The following SYTL3 variants were observed in gnomAD, a reference collection of about 807,000 sequenced individuals.
SYTL3 encodes the protein synaptotagmin like 3.
A neutral mutation model predicts 82.1 loss-of-function variants in SYTL3; 88 were observed. That is an observed-to-expected ratio of 1.07 (90% CI 0.90 to 1.28). The LOEUF (loss-of-function observed/expected upper bound fraction) is 1.28. Among genes scored for constraint, SYTL3 ranks in the 50% most tolerant of loss-of-function variants. The pLI, the probability that SYTL3 is intolerant of heterozygous loss-of-function variation, is 0.00. For missense variants in SYTL3, 831 were observed against 757.6 expected, an observed-to-expected ratio of 1.10 and a Z score of -1.14; for synonymous variants, 311 against 289.4, an observed-to-expected ratio of 1.07 and a Z score of -0.76.
rs199710736 is a variant in SYTL3 at position 158,736,142 on chromosome 6, GA to G, written c.856-9337del. Among the ~76,000 whole-genome samples, 1,371 of 152,254 alleles carry G rather than the reference GA, an allele frequency of 9.0e-3. 13 individuals carry two copies. The highest frequency in any genetic ancestry group is 0.03 in the African/African-American group (1,265 of 41,550). On this transcript the variant is annotated intron_variant, in intron 11 of 17. Transcript: ENST00000611299. ...CAGGGCGGGTGGATCACAAGGTCAG[GA>G]GTTTGAGACCATCCTGGCCAACATA...
chr6:158,718,223 C>T lies in SYTL3; in HGVS notation c.720+12C>T. ...ACGTCACCACCAGGGTACCCTGAGC[C>T]CCACAAGGCCTCCACGCTGATCACC... On this transcript the variant is annotated intron_variant, in intron 10 of 17. Coordinates refer to ENST00000611299, the MANE Select transcript of SYTL3 (RefSeq NM_001242394.2). The T allele has an allele frequency of 6.6e-7, 1 of 1,515,766 alleles. No individual in the cohort carries two copies. The highest frequency in any genetic ancestry group is 1.7e-4 in the Middle Eastern group (1 of 5,782). 93.9% of individuals were successfully genotyped at this position (1,515,766 alleles called of 1,614,324 possible).
At chr6:158,762,830 T>C (rs1388081869) in intron 16 of SYTL3, among the ~76,000 whole-genome samples, 2 of 152,176 alleles carry the variant, frequency 1.3e-5, no homozygotes, top group Non-Finnish European at 2.9e-5. Flanking sequence ...GATAGGAGTC[T>C]TCCTTGAACT....
At chr6:158,722,762 G>GTTTTT (rs34189391) in intron 10 of SYTL3, among the ~76,000 whole-genome samples, 1,173 of 80,854 alleles carry the variant, frequency 0.015, 151 homozygotes, top group African/African-American at 0.061. Flanking sequence ...TCTCTTTTCT[G>GTTTTT]TTTTTTTTTT....
At chr6:158,760,287 G>C (rs963113223) in intron 14 of SYTL3, among the ~76,000 whole-genome samples, 4 of 152,170 alleles carry the variant, frequency 2.6e-5, no homozygotes, top group Non-Finnish European at 4.4e-5. Flanking sequence ...GGGGTGGATG[G>C]GGTGGAGGCT....
chr6:158,750,124 T>TG (rs1788211216), intron 12 of SYTL3, among the ~76,000 whole-genome samples: 1 of 151,718 alleles, frequency 6.6e-6, no homozygotes, highest in Non-Finnish European at 1.5e-5. Context: ...TAATATTGAG[T>TG]GAAAAAAAGC....
intron 11 of SYTL3, among the ~76,000 whole-genome samples, chr6:158,742,880 T>C (rs1297804498): frequency 6.6e-6 from 1 of 151,948 alleles, no homozygotes; most frequent in Non-Finnish European, 1.5e-5. Context: ...AGCCACTGCG[T>C]CCAGCCAGCT....
At chr6:158,719,044 A>G (rs1783759061) in intron 10 of SYTL3, among the ~76,000 whole-genome samples, 2 of 151,802 alleles carry the variant, frequency 1.3e-5, no homozygotes, top group South Asian at 4.1e-4. Flanking sequence ...GCTCCAGCCC[A>G]GTGCGCCCCT....
chr6:158,659,158 T>G (rs953601555), intron 2 of SYTL3, among the ~76,000 whole-genome samples: 9 of 152,142 alleles, frequency 5.9e-5, no homozygotes, highest in Non-Finnish European at 1.0e-4. Flanking sequence ...TTCTCTAAGC[T>G]CAGTCCCAGG....
rs369728914 is a variant in SYTL3 at position 158,764,607 on chromosome 6, T to A, written c.*3T>A. Reference sequence around the variant, plus strand: ...ACATGACTCTTGTCCTGCACTGACATGAAGGCCTCAAGGTTCCAGGTTGCA... The same window carrying A: ...ACATGACTCTTGTCCTGCACTGACAAGAAGGCCTCAAGGTTCCAGGTTGCA... On this transcript the variant is annotated 3_prime_UTR_variant, in exon 18 of 18. Coordinates refer to ENST00000611299, the MANE Select transcript of SYTL3 (RefSeq NM_001242394.2). 4 of 1,608,766 alleles carry A rather than the reference T, an allele frequency of 2.5e-6. No individual in the cohort carries two copies. The African/African-American group carries it at 5.3e-5, about 22-fold the overall frequency.
At chr6:158,667,376 T>C (rs546513921) in intron 5 of SYTL3, among the ~76,000 whole-genome samples, 1 of 152,342 alleles carries the variant, frequency 6.6e-6, no homozygotes, top group African/African-American at 2.4e-5. Context: ...ATTGCATTAC[T>C]ATGAGTGCAT....
chr6:158,763,205 G>T (rs762659389), intron 16 of SYTL3, 99 bp from the exon 17 acceptor site: 2 of 1,153,490 alleles, frequency 1.7e-6, no homozygotes, highest in African/African-American at 3.0e-5. Context: ...TGTGGACTTG[G>T]CACTTTTCTT....
At chr6:158,733,977 A>G (rs1015270409) in intron 11 of SYTL3, among the ~76,000 whole-genome samples, 18 of 151,482 alleles carry the variant, frequency 1.2e-4, no homozygotes, top group Non-Finnish European at 1.9e-4. Context: ...GGGCGCCTGT[A>G]GTCCCAGCTA....
intron 9 of SYTL3, among the ~76,000 whole-genome samples, chr6:158,715,627 A>ACACACACACACACACACAC (rs1562414100): frequency 8.2e-6 from 1 of 122,542 alleles, no homozygotes; most frequent in Non-Finnish European, 1.6e-5. Flanking sequence ...GCACGCACCC[A>ACACACACACACACACACAC]GCACCCCCCA....
rs1467332195 is a variant in SYTL3, at chr6:158,751,984, G to A, written c.1091G>A (p.Gly364Glu). ...TCCTCCCAGGGAAAGCGCAAGACTG[G>A]AGTCCAAAGGAACACCGTGGACCCG... ...DRSSQGKRKT[G>E]VQRNTVDPTF... Residue 364 changes from glycine to glutamate, a missense_variant, in exon 13 of 18, where the codon GGA becomes GAA. Coordinates refer to ENST00000611299, the MANE Select transcript of SYTL3 (RefSeq NM_001242394.2). 1 of 1,602,416 alleles carries A rather than the reference G, an allele frequency of 6.2e-7. No individual in the cohort carries two copies. The highest frequency in any genetic ancestry group is 2.3e-5 in the East Asian group (1 of 43,912).
At chr6:158,698,291 G>A (rs1164304557) in intron 6 of SYTL3, among the ~76,000 whole-genome samples, 3 of 151,814 alleles carry the variant, frequency 2.0e-5, no homozygotes, top group African/African-American at 7.3e-5. Context: ...CAGCTACACA[G>A]GAGGCTGAGG....
intron 2 of SYTL3, among the ~76,000 whole-genome samples, chr6:158,654,288 C>T (rs1788411869): frequency 6.6e-6 from 1 of 152,174 alleles, no homozygotes; most frequent in South Asian, 2.1e-4. Flanking sequence ...ATGGGTCCTT[C>T]TTAAATGCAG....
At position 158,663,207 on chromosome 6, in the gene SYTL3, C is replaced by T. The variant is rs569159671; in HGVS notation, c.-62C>T. The T allele has an allele frequency of 1.4e-4, 205 of 1,469,344 alleles. No individual in the cohort carries two copies. The African/African-American group carries it at 2.5e-3, about 18-fold the overall frequency. The allele number at this position is 1,469,344 out of a possible 1,614,324, so 91.0% of individuals were successfully genotyped here. A position where few individuals can be genotyped will look rare whatever the true frequency, so the allele number is the denominator to read the frequency against. ...TGGCCTCCGCCGCTCATCTGCAGGG[C>T]GTGAGCGCTTGGTCCATGCAGTGAA... On this transcript the variant is annotated 5_prime_UTR_variant, in exon 4 of 18. Transcript: ENST00000611299.
intron 6 of SYTL3, 61 bp from the exon 7 acceptor site, chr6:158,707,169 T>C: frequency 6.7e-7 from 1 of 1,488,484 alleles, no homozygotes; most frequent in Admixed American, 1.7e-5. Flanking sequence ...CTATTTCCTG[T>C]ATTTACATTA....
At chr6:158,687,985 A>G (rs961833687) in intron 6 of SYTL3, among the ~76,000 whole-genome samples, 3 of 152,212 alleles carry the variant, frequency 2.0e-5, no homozygotes, top group African/African-American at 4.8e-5. Flanking sequence ...GCCTGTGTAT[A>G]TGTGTGTGCA....
Sources: gnomAD v4.1 joint callset for allele counts (sites outside exome capture counted in the v4.1 genomes callset) on GRCh38, gnomAD v4.1.1 for gene constraint, MANE v1.5 for transcripts, NCBI Gene and HGNC (gene_info 2026-07-23, HGNC 2026-07-21) for gene names.